The following HSD17B12 variants were observed in gnomAD, a reference collection of about 807,000 sequenced individuals.
HSD17B12 encodes hydroxysteroid 17-beta dehydrogenase 12.
Under a neutral mutation model 39.3 loss-of-function variants are expected in HSD17B12, and 32 were observed. That is an observed-to-expected ratio of 0.81 (90% CI 0.61 to 1.09). The LOEUF (loss-of-function observed/expected upper bound fraction) is 1.09, where lower values mean the gene tolerates loss of function less well. Ranked by LOEUF, HSD17B12 falls within the 50% of genes least tolerant of loss-of-function variation. The pLI is 0.00. For synonymous variants in HSD17B12, 150 were observed against 146.7 expected (o/e 1.02, Z -0.16); for missense variants, 342 against 382.9 (o/e 0.89, Z 0.89).
chr11:43,566,508 T>C, the HSD17B12 span, among the ~76,000 whole-genome samples: 1 of 151,974 alleles, frequency 6.6e-6, no homozygotes, highest in Non-Finnish European at 1.5e-5. Flanking sequence ...GCTCCTACTA[T>C]TGCACTGATT....
chr11:43,827,683 G>A (rs1335597479), intron 6 of HSD17B12, among the ~76,000 whole-genome samples: 1 of 152,062 alleles, frequency 6.6e-6, no homozygotes, highest in East Asian at 1.9e-4. Flanking sequence ...GATTTTCTAG[G>A]CCAGCCAATG....
chr11:43,657,667 G>A, the HSD17B12 span, among the ~76,000 whole-genome samples: 1 of 152,094 alleles, frequency 6.6e-6, no homozygotes, highest in Non-Finnish European at 1.5e-5. Context: ...ATGAAGCTTA[G>A]TTTGGCTGGA....
intron 3 of HSD17B12, among the ~76,000 whole-genome samples, chr11:43,756,753 G>C (rs1950510943): frequency 6.6e-6 from 1 of 152,210 alleles, no homozygotes; most frequent in Admixed American, 6.5e-5. Flanking sequence ...AAGTACTGCA[G>C]CCTGTACAAA....
intron 1 of HSD17B12, among the ~76,000 whole-genome samples, chr11:43,700,452 T>C (rs929126046): frequency 3.0e-4 from 45 of 152,136 alleles, no homozygotes; most frequent in African/African-American, 9.4e-4. Context: ...ATTTTTTTTT[T>C]AACCCATTAA....
chr11:43,558,241 A>T, the HSD17B12 span, among the ~76,000 whole-genome samples: 1 of 152,076 alleles, frequency 6.6e-6, no homozygotes, highest in African/African-American at 2.4e-5. Flanking sequence ...TTTGAACATC[A>T]GCCATTTGAC....
At chr11:43,646,462 G>A in the HSD17B12 span, 1 of 152,186 alleles carries the variant, frequency 6.6e-6, no homozygotes, top group East Asian at 1.9e-4. Context: ...TGTATCTTAG[G>A]AAGACCGGAT....
upstream of HSD17B12, among the ~76,000 whole-genome samples, chr11:43,675,848 AT>A (rs1194430589): frequency 9.9e-5 from 15 of 152,232 alleles, no homozygotes; most frequent in African/African-American, 3.6e-4. Context: ...ATGTTGGCTC[AT>A]GCCTGTAATC....
chr11:43,760,569 GAA>G (rs1950547629), intron 3 of HSD17B12, among the ~76,000 whole-genome samples: 1 of 152,170 alleles, frequency 6.6e-6, no homozygotes, highest in African/African-American at 2.4e-5. Context: ...ATAGTGAACA[GAA>G]GAGTAGGATA....
chr11:43,746,061 T>C (rs548746525), intron 1 of HSD17B12, among the ~76,000 whole-genome samples: 30 of 152,282 alleles, frequency 2.0e-4, no homozygotes, highest in Non-Finnish European at 3.2e-4. Flanking sequence ...CTAGGACGCT[T>C]ACTGTGAATG....
chr11:43,700,090 T>C (rs954189719), intron 1 of HSD17B12, among the ~76,000 whole-genome samples: 7 of 152,192 alleles, frequency 4.6e-5, no homozygotes, highest in Non-Finnish European at 7.4e-5. Context: ...GTGGCCTTAG[T>C]CACTGGATGA....
chr11:43,585,378 A>G, the HSD17B12 span, among the ~76,000 whole-genome samples: 1 of 152,154 alleles, frequency 6.6e-6, no homozygotes, highest in East Asian at 1.9e-4. Flanking sequence ...AGGAAAGGAG[A>G]AACCAAGCTA....
chr11:43,826,002 G>C (rs892977715), intron 6 of HSD17B12, among the ~76,000 whole-genome samples: 2 of 151,868 alleles, frequency 1.3e-5, no homozygotes, highest in African/African-American at 4.8e-5. Flanking sequence ...AAAAATTTAG[G>C]TATTGGAAAC....
intron 1 of HSD17B12, among the ~76,000 whole-genome samples, chr11:43,694,027 A>T (rs1191897564): frequency 6.6e-6 from 1 of 152,264 alleles, no homozygotes; most frequent in Non-Finnish European, 1.5e-5. Context: ...CAAAAGCCAC[A>T]TTGGGCTAGA....
At chr11:43,698,989 G>C (rs1949938154) in intron 1 of HSD17B12, among the ~76,000 whole-genome samples, 2 of 152,110 alleles carry the variant, frequency 1.3e-5, no homozygotes, top group African/African-American at 4.8e-5. Flanking sequence ...TAAATTAAAA[G>C]TTAAACTAAT....
At chr11:43,667,254 C>T in the HSD17B12 span, among the ~76,000 whole-genome samples, 3 of 152,168 alleles carry the variant, frequency 2.0e-5, no homozygotes, top group Non-Finnish European at 4.4e-5. Flanking sequence ...CAGGTTCAAG[C>T]GATTCTCCTG....
At chr11:43,775,621 A>G (rs891364903) in intron 3 of HSD17B12, among the ~76,000 whole-genome samples, 2 of 151,274 alleles carry the variant, frequency 1.3e-5, no homozygotes, top group African/African-American at 2.4e-5. Context: ...ATTTTTTATT[A>G]TTATACTTTA....
the HSD17B12 span, among the ~76,000 whole-genome samples, chr11:43,590,481 C>G: frequency 2.4e-5 from 3 of 126,814 alleles, no homozygotes; most frequent in Non-Finnish European, 5.0e-5. Context: ...ATAGTTTTAC[C>G]ATTTATTTTG....
intron 1 of HSD17B12, among the ~76,000 whole-genome samples, chr11:43,694,034 T>C (rs1949887509): frequency 6.6e-6 from 1 of 152,236 alleles, no homozygotes; most frequent in African/African-American, 2.4e-5. Flanking sequence ...CACATTGGGC[T>C]AGACAACAAC....
At chr11:43,714,754 G>C (rs941384764) in intron 1 of HSD17B12, among the ~76,000 whole-genome samples, 1 of 152,180 alleles carries the variant, frequency 6.6e-6, no homozygotes, top group Admixed American at 6.5e-5. Context: ...TCCTATCTAT[G>C]AGCATGGAAC....
Sources: gnomAD v4.1 joint callset for allele counts (sites outside exome capture counted in the v4.1 genomes callset) on GRCh38, gnomAD v4.1.1 for gene constraint, MANE v1.5 for transcripts, NCBI Gene and HGNC (gene_info 2026-07-23, HGNC 2026-07-21) for gene names.